WNT8B: variants seen among roughly 807,000 people sequenced by gnomAD.
WNT8B encodes Wnt family member 8B.
Under a neutral mutation model 36.6 loss-of-function variants are expected in WNT8B, and 24 were observed. The observed-to-expected ratio is 0.66, with a 90% CI of 0.48 to 0.92. The LOEUF (loss-of-function observed/expected upper bound fraction) is 0.92. Among genes scored for constraint, WNT8B ranks in the 40% least tolerant of loss-of-function variants. The pLI, the probability that WNT8B is intolerant of heterozygous loss-of-function variation, is 0.00. For missense variants in WNT8B, 402 were observed against 470.8 expected (o/e 0.85, Z 1.35); for synonymous variants, 199 against 189.8 (o/e 1.05, Z -0.40).
chr10:100,480,504 T>C (rs1851096341), intron 3 of WNT8B, among the ~76,000 whole-genome samples: 1 of 152,212 alleles, frequency 6.6e-6, no homozygotes, highest in Non-Finnish European at 1.5e-5. Context: ...ACCCTAAGTG[T>C]TCCAGGAGGA....
At chr10:100,465,131 C>T (rs1348260352) in intron 1 of WNT8B, among the ~76,000 whole-genome samples, 3 of 152,060 alleles carry the variant, frequency 2.0e-5, no homozygotes, top group Non-Finnish European at 4.4e-5. Context: ...CTAAAAGAGT[C>T]CATCAGCAGA....
Position 100,468,690 on chromosome 10 carries a change from T to A in WNT8B, c.68+5454T>A, listed in dbSNP as rs147515227. On this transcript the variant is annotated intron_variant, in intron 1 of 5. Transcript: ENST00000343737. Reference sequence around the variant, plus strand: ...GGACAGGGAAGATAGCCTATCACTCTATAAAATATCCTGGAATACAAATGA... The same window carrying A: ...GGACAGGGAAGATAGCCTATCACTCAATAAAATATCCTGGAATACAAATGA... 2.2e-3 allele frequency among the ~76,000 whole-genome samples: 342 copies of A among 152,366 alleles called. 1 individual carries two copies. Among genetic ancestry groups the A allele is most frequent in the Non-Finnish European group, 4.1e-3 (276 of 68,034 alleles).
intron 1 of WNT8B, among the ~76,000 whole-genome samples, chr10:100,477,302 T>C (rs79831012): frequency 0.21 from 32,335 of 151,700 alleles, 3,544 homozygotes; most frequent in South Asian, 0.23. Flanking sequence ...TTTATTTATT[T>C]ATTTTATTTT....
At chr10:100,475,929 G>A (rs1851032594) in intron 1 of WNT8B, among the ~76,000 whole-genome samples, 1 of 152,128 alleles carries the variant, frequency 6.6e-6, no homozygotes, top group Non-Finnish European at 1.5e-5. Flanking sequence ...TGTTTTGCTG[G>A]TGCTACTACA....
chr10:100,464,750 T>G (rs1850892539), intron 1 of WNT8B, among the ~76,000 whole-genome samples: 2 of 152,222 alleles, frequency 1.3e-5, no homozygotes. Flanking sequence ...TCGCCTTGCC[T>G]GACTTTGAGG....
intron 1 of WNT8B, among the ~76,000 whole-genome samples, chr10:100,474,165 G>A: frequency 6.6e-6 from 1 of 152,312 alleles, no homozygotes; most frequent in African/African-American, 2.4e-5. Flanking sequence ...GAAGAGCTGG[G>A]AGGGTTCAGG....
rs1370222206 is a variant in WNT8B at position 100,482,705 on chromosome 10, G to C, written c.945G>C (p.Trp315Cys). 1 of 1,610,112 alleles carries C rather than the reference G, an allele frequency of 6.2e-7. No homozygotes were observed. The highest frequency in any genetic ancestry group is 1.7e-5 in the Admixed American group (1 of 59,842). Reference sequence around the variant, plus strand: ...CCAGCTGCAACTGCAAGTTCCACTGGTGCTGCGCAGTCCGCTGCGAGCAGT... The same window carrying C: ...CCAGCTGCAACTGCAAGTTCCACTGCTGCTGCGCAGTCCGCTGCGAGCAGT... Reference protein sequence around the residue: ...TVSSCNCKFHWCCAVRCEQCR... With the variant: ...TVSSCNCKFHCCCAVRCEQCR... The change falls in exon 6 of 6, where the codon TGG becomes TGC. Residue 315 changes from tryptophan (W) to cysteine (C), a missense_variant. This residue lies in a region of WNT8B where 256 missense variants were observed against 278.6 expected (regional missense o/e 0.92). Coordinates refer to ENST00000343737, the MANE Select transcript of WNT8B (RefSeq NM_003393.4). This position sits in a 1 kb window ranked among gnomAD's most constrained non-coding sequence, Gnocchi z 6.6.
intron 1 of WNT8B, 38 bp from the exon 2 acceptor site, chr10:100,479,014 G>A (rs755220725): frequency 3.2e-6 from 5 of 1,567,128 alleles, no homozygotes; most frequent in Non-Finnish European, 4.3e-6. Flanking sequence ...TGGTGTCTCT[G>A]CATTATATTC....
At chr10:100,466,089 A>G (rs916188506) in intron 1 of WNT8B, among the ~76,000 whole-genome samples, 1 of 152,142 alleles carries the variant, frequency 6.6e-6, no homozygotes, top group Non-Finnish European at 1.5e-5. Context: ...AAAAAACCAT[A>G]TATGATCAAG....
intron 1 of WNT8B, among the ~76,000 whole-genome samples, chr10:100,476,864 G>A (rs1026190531): frequency 3.9e-5 from 6 of 152,174 alleles, no homozygotes; most frequent in African/African-American, 1.2e-4. Flanking sequence ...ATCTTACAAC[G>A]TTAGTACGAT....
Position 100,479,946 on chromosome 10 carries a change from G to C in WNT8B, c.175G>C (p.Ala59Pro), listed in dbSNP as rs770346219. The change falls in exon 3 of 6, where the codon GCC becomes CCC. Residue 59 changes from alanine to proline, a missense_variant. Coordinates refer to ENST00000343737, the MANE Select transcript of WNT8B (RefSeq NM_003393.4). ...SGIEECKYQF[A>P]WDRWNCPERA... Reference sequence around the variant, plus strand: ...TATTGAAGAATGCAAGTATCAGTTTGCCTGGGACCGCTGGAACTGCCCTGA... The same window carrying C: ...TATTGAAGAATGCAAGTATCAGTTTCCCTGGGACCGCTGGAACTGCCCTGA... 1 of 1,614,002 alleles carries C rather than the reference G, an allele frequency of 6.2e-7. No homozygotes were observed. Among genetic ancestry groups the C allele is most frequent in the Admixed American group, 1.7e-5 (1 of 60,018 alleles).
chr10:100,478,948 C>T (rs1416432436), intron 1 of WNT8B, 104 bp from the exon 2 acceptor site: 7 of 973,302 alleles, frequency 7.2e-6, no homozygotes, highest in Non-Finnish European at 1.0e-5. Flanking sequence ...TCCCTTTCTT[C>T]CTATTAATGA....
rs750510030 is a variant in WNT8B at position 100,482,625 on chromosome 10, C to T, written c.865C>T (p.Arg289Trp). 1.2e-6 allele frequency: 2 copies of T among 1,601,726 alleles called. No homozygotes were observed. Among genetic ancestry groups the T allele is most frequent in the South Asian group, 1.1e-5 (1 of 90,618 alleles). The part of the protein sequence containing the change: ...LGRWERRSCR[R>W]LCGDCGLAVE... ...TCGCTGGGAACGCCGCAGCTGCCGC[C>T]GGCTCTGCGGGGACTGCGGGCTGGC... Residue 289 changes from arginine to tryptophan, a missense_variant, in exon 6 of 6, where the codon CGG (arginine) becomes TGG (tryptophan). Physicochemically the swap from Arg to Trp is moderately radical, Grantham distance 101. Coordinates refer to ENST00000343737, the MANE Select transcript of WNT8B (RefSeq NM_003393.4). The surrounding 1 kb of genome is among the most constrained non-coding windows in gnomAD (Gnocchi z 6.6).
At chr10:100,463,986 G>T (rs970691128) in intron 1 of WNT8B, among the ~76,000 whole-genome samples, 2 of 152,116 alleles carry the variant, frequency 1.3e-5, no homozygotes, top group African/African-American at 2.4e-5. Context: ...AAATACACCA[G>T]TACACAATAA....
At chr10:100,466,801 G>A (rs1289314093) in intron 1 of WNT8B, among the ~76,000 whole-genome samples, 1 of 151,482 alleles carries the variant, frequency 6.6e-6, no homozygotes, top group African/African-American at 2.4e-5. Context: ...GTTTAATGCT[G>A]CTCTATATTG....
chr10:100,478,182 C>G (rs551717932), intron 1 of WNT8B, among the ~76,000 whole-genome samples: 72 of 152,278 alleles, frequency 4.7e-4, no homozygotes, highest in African/African-American at 1.4e-3. Context: ...AGATATTCCA[C>G]TGTTTGTTTA....
intron 2 of WNT8B, among the ~76,000 whole-genome samples, chr10:100,479,385 C>T (rs973844437): frequency 1.3e-5 from 2 of 152,140 alleles, no homozygotes; most frequent in African/African-American, 2.4e-5. Flanking sequence ...CTCAGTGCCC[C>T]GTGGTGGGAT....
chr10:100,467,047 A>G (rs1850914607), intron 1 of WNT8B, among the ~76,000 whole-genome samples: 1 of 152,120 alleles, frequency 6.6e-6, no homozygotes, highest in African/African-American at 2.4e-5. Context: ...CTTGGGTCAC[A>G]TAAATAACAT....
chr10:100,472,133 T>TG (rs1850985594), intron 1 of WNT8B, among the ~76,000 whole-genome samples: 1 of 150,134 alleles, frequency 6.7e-6, no homozygotes, highest in South Asian at 2.1e-4. Context: ...TTTTTTGAGA[T>TG]GGAGTCTTGC....
Sources: allele counts gnomAD v4.1 joint callset (sites outside exome capture counted in the v4.1 genomes callset), GRCh38; gene constraint gnomAD v4.1.1; regional missense constraint gnomAD v4.1.1; non-coding constraint Gnocchi (gnomAD v3.1); transcripts MANE v1.5; gene names NCBI Gene and HGNC (gene_info 2026-07-23, HGNC 2026-07-21).